KLRK1: variants seen among roughly 807,000 people sequenced by gnomAD.
KLRK1 encodes the protein killer cell lectin like receptor K1.
A neutral mutation model predicts 31.3 loss-of-function variants in KLRK1; 40 were observed. The ratio of observed to expected loss-of-function variants is 1.28; its 90% CI spans 0.99 to 1.67. KLRK1 has a LOEUF of 1.67. Ranked by LOEUF, KLRK1 falls within the 40% of genes most tolerant of loss-of-function variation. The probability of loss-of-function intolerance (pLI) is 0.00; values close to 1 mark genes in which losing one functional copy is unlikely to be tolerated. For synonymous variants in KLRK1, 77 were observed against 77.3 expected (o/e 1.00, Z 0.02); for missense variants, 251 against 260.0 (o/e 0.97, Z 0.24).
At chr12:10,379,598 T>C in intron 4 of KLRK1, 102 bp downstream of exon 4, 1 of 1,343,362 alleles carries the variant, frequency 7.4e-7, no homozygotes, top group Non-Finnish European at 1.0e-6. Context: ...ATACATTTAA[T>C]ATTTCTAGTT....
At chr12:10,387,439 AAAAAG>A (rs1248243998) in intron 2 of KLRK1, among the ~76,000 whole-genome samples, 1 of 152,164 alleles carries the variant, frequency 6.6e-6, no homozygotes, top group African/African-American at 2.4e-5. Flanking sequence ...GAAAGAAATA[AAAAAG>A]AAAAGGATAC....
intron 7 of KLRK1, among the ~76,000 whole-genome samples, chr12:10,377,052 A>T (rs1251593447): frequency 6.6e-6 from 1 of 152,102 alleles, no homozygotes; most frequent in East Asian, 1.9e-4. Context: ...CATGACCTCA[A>T]GTGATCTGCC....
Position 10,375,228 on chromosome 12 carries a change from T to TAATC in KLRK1, c.534-2001_534-1998dup, listed in dbSNP as rs1396588695. Among the ~76,000 whole-genome samples, 4 of 152,316 alleles carry TAATC rather than the reference T, an allele frequency of 2.6e-5. No homozygotes were observed. In the East Asian group the frequency reaches 7.7e-4, roughly 29 times the overall value. ...AGGTTGTGCATTGATCATTGCCAAT[T>TAATC]AATCATTAAAGTAGCAAAGTAAATT... On this transcript the variant is annotated intron_variant, in intron 7 of 7. Coordinates refer to ENST00000240618, the MANE Select transcript of KLRK1 (RefSeq NM_007360.4).
intron 2 of KLRK1, among the ~76,000 whole-genome samples, chr12:10,388,385 A>G (rs962182389): frequency 2.0e-5 from 3 of 152,186 alleles, no homozygotes; most frequent in African/African-American, 7.2e-5. Context: ...TAAGATAAAT[A>G]TGGAATGTTT....
At chr12:10,383,844 T>A (rs1863119745) in intron 3 of KLRK1, among the ~76,000 whole-genome samples, 1 of 152,036 alleles carries the variant, frequency 6.6e-6, no homozygotes, top group Non-Finnish European at 1.5e-5. Flanking sequence ...ACGAGGAACT[T>A]TGGAAACTGC....
At chr12:10,373,316 TA>T in intron 7 of KLRK1, 85 bp from the exon 8 acceptor site, 2 of 1,157,430 alleles carry the variant, frequency 1.7e-6, no homozygotes, top group Non-Finnish European at 2.4e-6. Context: ...GAACTTCAAA[TA>T]CAGGAACTTA....
chr12:10,380,729 C>A (rs1227252508), intron 3 of KLRK1, among the ~76,000 whole-genome samples: 1 of 152,186 alleles, frequency 6.6e-6, no homozygotes, highest in East Asian at 1.9e-4. Flanking sequence ...GCTCCACATT[C>A]CTCACGATCC....
intron 4 of KLRK1, 82 bp downstream of exon 4, chr12:10,379,618 G>A: frequency 7.1e-7 from 1 of 1,413,510 alleles, no homozygotes; most frequent in Non-Finnish European, 9.6e-7. Context: ...TTATGTGTCT[G>A]TGTTTATGAA....
chr12:10,384,998 T>C (rs187926121), intron 3 of KLRK1, among the ~76,000 whole-genome samples: 2 of 151,994 alleles, frequency 1.3e-5, no homozygotes, highest in Non-Finnish European at 2.9e-5. Flanking sequence ...AAATTCAACA[T>C]CATTCATCAT....
At chr12:10,378,372 G>A (rs1863004702) in intron 6 of KLRK1, 137 bp from the exon 7 acceptor site, 2 of 1,294,400 alleles carry the variant, frequency 1.5e-6, no homozygotes, top group Non-Finnish European at 2.1e-6. Flanking sequence ...ATTCTCATCC[G>A]AGCACACATA....
At chr12:10,373,525 A>G (rs1862901305) in intron 7 of KLRK1, among the ~76,000 whole-genome samples, 1 of 152,246 alleles carries the variant, frequency 6.6e-6, no homozygotes, top group African/African-American at 2.4e-5. Flanking sequence ...GTTTATTTTA[A>G]AACAAATATT....
chr12:10,374,214 A>G (rs1862917439), intron 7 of KLRK1: 2 of 152,024 alleles, frequency 1.3e-5, no homozygotes, highest in African/African-American at 4.8e-5. Context: ...GTGTTTCACT[A>G]CGTTGCCAGG....
At position 10,388,820 on chromosome 12, in the gene KLRK1, A is replaced by G. The variant is rs763560511; in HGVS notation, c.-10T>C. ...CACGAATCCACCCCATCAAATACTT[A>G]TAAGTGCACGTCTACCGCAGAGAGG... is the stretch of plus-strand genomic sequence containing the variant. On this transcript the variant is annotated 5_prime_UTR_variant, in exon 2 of 8. Transcript: ENST00000240618. The G allele has an allele frequency of 1.1e-5, 18 of 1,613,978 alleles. No homozygotes were observed. Among genetic ancestry groups the G allele is most frequent in the Admixed American group, 1.7e-5 (1 of 59,998 alleles).
chr12:10,386,843 CAT>C (rs988743295), intron 3 of KLRK1, 58 bp downstream of exon 3: 137 of 1,346,214 alleles, frequency 1.0e-4, no homozygotes, highest in Middle Eastern at 1.9e-4. Context: ...CATTTAATCA[CAT>C]AGTTTCCAAG....
intron 7 of KLRK1, among the ~76,000 whole-genome samples, chr12:10,374,374 T>C (rs1350219576): frequency 6.8e-6 from 1 of 148,144 alleles, no homozygotes; most frequent in Admixed American, 6.9e-5. Flanking sequence ...GTCTCGTTCT[T>C]TTTTTCTTTC....
chr12:10,386,793 C>A, intron 3 of KLRK1, 110 bp downstream of exon 3: 1 of 591,242 alleles, frequency 1.7e-6, no homozygotes, highest in South Asian at 4.8e-5. Context: ...GTTATTCCTG[C>A]TTTCCTCATG....
rs902236679 is a variant in KLRK1 at position 10,389,963 on chromosome 12, T to G, written c.-86A>C. ...CACACCTGCTCAGAGAGGGAAGATC[T>G]TGATTCTTGTGGATAAAAGCCTTCT... On this transcript the variant is annotated 5_prime_UTR_variant, in exon 1 of 8. Coordinates refer to ENST00000240618, the MANE Select transcript of KLRK1 (RefSeq NM_007360.4). 1 of 152,032 alleles carries G rather than the reference T, an allele frequency of 6.6e-6. No homozygotes were observed. Among genetic ancestry groups the G allele is most frequent in the African/African-American group, 2.4e-5 (1 of 41,420 alleles). The allele number at this position is 152,032 out of a possible 1,614,324, so 9.4% of individuals were successfully genotyped here.
chr12:10,388,686 C>G, intron 2 of KLRK1, 85 bp downstream of exon 2: 2 of 1,515,426 alleles, frequency 1.3e-6, no homozygotes, highest in African/African-American at 2.8e-5. Context: ...AATTGCTTGC[C>G]TATGCCTTAT....
intron 6 of KLRK1, 35 bp from the exon 7 acceptor site, chr12:10,378,270 C>A (rs772658668): frequency 2.8e-5 from 45 of 1,595,854 alleles, no homozygotes; most frequent in Non-Finnish European, 3.7e-5. Context: ...TAAGTAAAAT[C>A]AGTGTTGATA....
Sources: gnomAD v4.1 joint callset for allele counts (sites outside exome capture counted in the v4.1 genomes callset) on GRCh38, gnomAD v4.1.1 for gene constraint, MANE v1.5 for transcripts, NCBI Gene and HGNC (gene_info 2026-07-23, HGNC 2026-07-21) for gene names.